DPYD: variants seen among roughly 807,000 people sequenced by gnomAD.
DPYD encodes the protein dihydropyrimidine dehydrogenase.
In DPYD, 109 loss-of-function variants were observed where a neutral mutation model predicts 116.2. The observed-to-expected ratio is 0.94, with a 90% CI of 0.80 to 1.10. The LOEUF (loss-of-function observed/expected upper bound fraction) is 1.10. DPYD is among the 50% of genes least tolerant of loss of function. DPYD has a pLI of 0.00. For synonymous variants in DPYD, 440 were observed against 432.0 expected (o/e 1.02, Z -0.23); for missense variants, 1,302 against 1,254.5 (o/e 1.04, Z -0.57).
At chr1:97,532,224 A>G (rs908121156) in intron 12 of DPYD, among the ~76,000 whole-genome samples, 12 of 152,066 alleles carry the variant, frequency 7.9e-5, no homozygotes, top group Admixed American at 7.9e-4. Flanking sequence ...GTCTTGCTTT[A>G]TAGAGATTTA....
rs183316439 is a variant in DPYD, at chr1:97,301,286, T to G, written c.2299+3973A>C. On this transcript the variant is annotated intron_variant, in intron 18 of 22. Transcript: ENST00000370192. ...TGTCTTAATACTGAAAAAAATGTGT[T>G]CTATTGTTGTAATTGTATAAGTTCA... Among the ~76,000 whole-genome samples, 1,092 of 152,152 alleles carry G rather than the reference T, an allele frequency of 7.2e-3. 11 individuals carry two copies. Among genetic ancestry groups the G allele is most frequent in the African/African-American group, 0.025 (1,044 of 41,546 alleles).
At chr1:97,566,144 C>T (rs1251914535) in intron 11 of DPYD, among the ~76,000 whole-genome samples, 1 of 152,144 alleles carries the variant, frequency 6.6e-6, no homozygotes, top group Non-Finnish European at 1.5e-5. Context: ...TCCCTGAATG[C>T]TTAGACTCTG....
intron 18 of DPYD, among the ~76,000 whole-genome samples, chr1:97,255,490 T>G (rs771398704): frequency 4.6e-5 from 7 of 151,828 alleles, no homozygotes; most frequent in African/African-American, 1.7e-4. Flanking sequence ...TAAAGAGGAG[T>G]TCCCCTGCAC....
chr1:97,550,460 C>T (rs1185436960), intron 11 of DPYD, among the ~76,000 whole-genome samples: 1 of 152,082 alleles, frequency 6.6e-6, no homozygotes, highest in African/African-American at 2.4e-5. Context: ...AGGAATGAAG[C>T]TGTGTTTCTT....
intron 2 of DPYD, among the ~76,000 whole-genome samples, chr1:97,831,189 A>C (rs1408262787): frequency 1.3e-5 from 2 of 152,074 alleles, no homozygotes; most frequent in Non-Finnish European, 2.9e-5. Flanking sequence ...TAACAGACAC[A>C]TGATTTGAAT....
intron 3 of DPYD, among the ~76,000 whole-genome samples, chr1:97,760,484 T>C (rs938416705): frequency 2.0e-5 from 3 of 152,190 alleles, no homozygotes; most frequent in African/African-American, 7.2e-5. Context: ...TAGCTATTTA[T>C]ATTTGTATTT....
intron 12 of DPYD, among the ~76,000 whole-genome samples, chr1:97,530,228 T>C (rs1489986127): frequency 1.5e-5 from 2 of 136,552 alleles, no homozygotes; most frequent in South Asian, 2.3e-4. Context: ...TTTTTTTTTT[T>C]TTTTTTTGAG....
intron 21 of DPYD, among the ~76,000 whole-genome samples, chr1:97,089,612 C>T (rs989654494): frequency 1.3e-5 from 2 of 152,068 alleles, no homozygotes; most frequent in African/African-American, 4.8e-5. Context: ...TCTTTTGATA[C>T]CCTCTTCTTC....
At position 97,883,365 on chromosome 1, in the gene DPYD, C is replaced by T; in HGVS notation, c.49G>A (p.Ala17Thr). 1 of 1,603,706 alleles carries T rather than the reference C, an allele frequency of 6.2e-7. No homozygotes were observed. Among genetic ancestry groups the T allele is most frequent in the Admixed American group, 1.7e-5 (1 of 59,902 alleles). The change falls in exon 2 of 23, where the codon GCT becomes ACT. Residue 17 changes from alanine (A) to threonine (T), a missense_variant. Coordinates refer to ENST00000370192, the MANE Select transcript of DPYD (RefSeq NM_000110.4). Reference protein sequence around the residue: ...KDSADIESILALNPRTQTHAT... With the variant: ...KDSADIESILTLNPRTQTHAT... ...TGAGTTTGTGTTCGAGGATTTAAAG[C>T]CAGGATACTCTAAAGACAGCATAAA...
intron 13 of DPYD, among the ~76,000 whole-genome samples, chr1:97,480,346 G>A (rs1052253586): frequency 5.9e-5 from 9 of 152,184 alleles, no homozygotes; most frequent in Admixed American, 2.0e-4. Context: ...CCAGATGACC[G>A]ATGGAAACTG....
intron 20 of DPYD, among the ~76,000 whole-genome samples, chr1:97,162,282 T>C (rs912312270): frequency 2.0e-5 from 3 of 152,182 alleles, no homozygotes; most frequent in African/African-American, 7.2e-5. Flanking sequence ...TGTGAGATGG[T>C]ATCTCATTGT....
intron 4 of DPYD, among the ~76,000 whole-genome samples, chr1:97,726,639 T>A (rs1401107951): frequency 6.6e-6 from 1 of 151,448 alleles, no homozygotes; most frequent in African/African-American, 2.4e-5. Context: ...AGTGTCCTTG[T>A]AATATAAAAA....
intron 4 of DPYD, among the ~76,000 whole-genome samples, chr1:97,724,303 GGGGGGTGT>G (rs1663101129): frequency 1.4e-4 from 2 of 14,450 alleles, no homozygotes; most frequent in African/African-American, 5.6e-4. Flanking sequence ...TGGGGGGGGG[GGGGGGTGT>G]GTGTGTGTGT....
chr1:97,860,896 A>G (rs1033357623), intron 2 of DPYD, among the ~76,000 whole-genome samples: 2 of 151,990 alleles, frequency 1.3e-5, no homozygotes, highest in African/African-American at 4.8e-5. Flanking sequence ...AAAAGGAGGG[A>G]CTTAAAAAAG....
chr1:97,799,194 T>C (rs776754283), intron 3 of DPYD, among the ~76,000 whole-genome samples: 4 of 151,864 alleles, frequency 2.6e-5, no homozygotes, highest in Non-Finnish European at 5.9e-5. Flanking sequence ...TGTACACTGT[T>C]CCACAGTGGT....
Position 97,509,067 on chromosome 1 carries a change from C to T in DPYD, c.1740+6659G>A, listed in dbSNP as rs151005568. 3.3e-5 allele frequency among the ~76,000 whole-genome samples: 5 copies of T among 152,068 alleles called. No homozygotes were observed. The East Asian group carries it at 9.7e-4, about 30-fold the overall frequency. On this transcript the variant is annotated intron_variant, in intron 13 of 22. Transcript: ENST00000370192. ...GACCGGCCATCAGCCAGCCACCAAACAGTCTGTCAACTGATTGCAAATCCA... is the reference window on the plus strand; with the variant it reads ...GACCGGCCATCAGCCAGCCACCAAATAGTCTGTCAACTGATTGCAAATCCA...
intron 1 of DPYD, among the ~76,000 whole-genome samples, chr1:97,896,089 G>A (rs1313367581): frequency 6.6e-6 from 1 of 151,524 alleles, no homozygotes; most frequent in Non-Finnish European, 1.5e-5. Flanking sequence ...CATCTTTTTT[G>A]GGTCCCTAGG....
chr1:97,642,925 C>T (rs1428070174), intron 8 of DPYD, among the ~76,000 whole-genome samples: 1 of 151,204 alleles, frequency 6.6e-6, no homozygotes, highest in East Asian at 1.9e-4. Flanking sequence ...AATTAAGTTA[C>T]ATTAAATTTA....
intron 3 of DPYD, among the ~76,000 whole-genome samples, chr1:97,827,360 T>C (rs1669292851): frequency 6.6e-6 from 1 of 152,076 alleles, no homozygotes; most frequent in Admixed American, 6.6e-5. Context: ...TACTCAAATA[T>C]TCAAGCTCAG....
Sources: gnomAD v4.1 joint callset for allele counts (sites outside exome capture counted in the v4.1 genomes callset) on GRCh38, gnomAD v4.1.1 for gene constraint, MANE v1.5 for transcripts, NCBI Gene and HGNC (gene_info 2026-07-23, HGNC 2026-07-21) for gene names.